CPQ: variants seen among roughly 807,000 people sequenced by gnomAD.
CPQ encodes the protein carboxypeptidase Q, also known as Ser-Met dipeptidase.
In CPQ, 37 loss-of-function variants were observed where a neutral mutation model predicts 45.7. That is an observed-to-expected ratio of 0.81 (90% CI 0.62 to 1.07). CPQ has a LOEUF of 1.07. Among genes scored for constraint, CPQ ranks in the 50% least tolerant of loss-of-function variants. The probability of loss-of-function intolerance (pLI) is 0.00; values close to 1 mark genes in which losing one functional copy is unlikely to be tolerated. For synonymous variants in CPQ, 186 were observed against 205.8 expected, an observed-to-expected ratio of 0.90 and a Z score of 0.82; for missense variants, 537 against 572.9, an observed-to-expected ratio of 0.94 and a Z score of 0.64.
intron 1 of CPQ, 118 bp from the exon 2 acceptor site, chr8:96,784,746 A>C (rs1810737967): frequency 2.9e-6 from 2 of 680,608 alleles, no homozygotes; most frequent in Non-Finnish European, 4.9e-6. Flanking sequence ...TTGATGGTGG[A>C]TGTTGGGCAG....
chr8:96,966,464 C>T (rs1203831964), intron 5 of CPQ, among the ~76,000 whole-genome samples: 1 of 152,140 alleles, frequency 6.6e-6, no homozygotes. Context: ...AAAAGAGTAA[C>T]CTAGATAGAA....
rs138517694 is a variant in CPQ at position 96,997,578 on chromosome 8, A to G, written c.961+31532A>G. 8.6e-3 allele frequency among the ~76,000 whole-genome samples: 1,300 copies of G among 151,736 alleles called. 16 individuals carry two copies. The highest frequency in any genetic ancestry group is 0.029 in the African/African-American group (1,191 of 41,450). On this transcript the variant is annotated intron_variant, in intron 5 of 7. Coordinates refer to ENST00000220763, the MANE Select transcript of CPQ (RefSeq NM_016134.4). ...TAGTTGAGAGATGCATCTTTGACAT[A>G]AAAAAAAATTTCAGGAGAAAAATTT...
At chr8:96,947,238 C>T (rs1368649619) in intron 4 of CPQ, among the ~76,000 whole-genome samples, 1 of 152,102 alleles carries the variant, frequency 6.6e-6, no homozygotes, top group African/African-American at 2.4e-5. Context: ...TGCCATGTGC[C>T]ACATAATGCA....
chr8:96,798,476 C>T (rs1227877445), intron 2 of CPQ, among the ~76,000 whole-genome samples: 1 of 152,034 alleles, frequency 6.6e-6, no homozygotes, highest in Non-Finnish European at 1.5e-5. Flanking sequence ...TCAAAGGTTT[C>T]TATCTTTTGT....
At chr8:96,901,441 T>G (rs1387846988) in intron 4 of CPQ, among the ~76,000 whole-genome samples, 3 of 152,210 alleles carry the variant, frequency 2.0e-5, no homozygotes, top group African/African-American at 7.2e-5. Flanking sequence ...ACTTCAAGTC[T>G]TCTTATGAAA....
intron 4 of CPQ, among the ~76,000 whole-genome samples, chr8:96,915,403 C>T (rs780931242): frequency 2.0e-5 from 3 of 152,188 alleles, no homozygotes; most frequent in Admixed American, 6.5e-5. Context: ...TTTTCATTTT[C>T]ATTCATGGAT....
At chr8:96,650,525 A>G (rs903140664) in intron 1 of CPQ, among the ~76,000 whole-genome samples, 4 of 152,196 alleles carry the variant, frequency 2.6e-5, no homozygotes, top group Non-Finnish European at 5.9e-5. Context: ...AGTTTGTTTC[A>G]TGGCTCAGAC....
At chr8:97,012,402 C>A (rs1002494981) in intron 5 of CPQ, among the ~76,000 whole-genome samples, 3 of 152,112 alleles carry the variant, frequency 2.0e-5, no homozygotes, top group African/African-American at 7.2e-5. Context: ...GGGGCATGTT[C>A]TTGAAATGGT....
chr8:96,729,996 G>C (rs990483774), intron 1 of CPQ, among the ~76,000 whole-genome samples: 1 of 152,320 alleles, frequency 6.6e-6, no homozygotes, highest in East Asian at 1.9e-4. Flanking sequence ...AAATGGGCTT[G>C]GGTCTGGAGA....
chr8:97,112,773 G>A (rs1811519513), intron 7 of CPQ, among the ~76,000 whole-genome samples: 1 of 152,172 alleles, frequency 6.6e-6, no homozygotes, highest in African/African-American at 2.4e-5. Context: ...TTCCATGAGG[G>A]GAGGGGCAGT....
chr8:96,647,321 G>C (rs1221595892), intron 1 of CPQ, among the ~76,000 whole-genome samples: 1 of 152,144 alleles, frequency 6.6e-6, no homozygotes, highest in Non-Finnish European at 1.5e-5. Context: ...TTCTCACACT[G>C]TTTTCCCAAT....
At chr8:96,859,466 C>T (rs1423049708) in intron 3 of CPQ, among the ~76,000 whole-genome samples, 2 of 152,134 alleles carry the variant, frequency 1.3e-5, no homozygotes, top group Admixed American at 1.3e-4. Context: ...GTCCCAGCAG[C>T]TTCCCTCTGC....
chr8:96,965,963 G>C lies in CPQ; in HGVS notation c.878G>C (p.Ser293Thr). ...GTACTGGTCAGTGGACATCTGGACA[G>C]CTGGGATGTTGGGCAGGGTGCCATG... is the stretch of plus-strand genomic sequence containing the variant. ...QVVLVSGHLD[S>T]WDVGQGAMDD... is the part of the protein sequence containing the mutation. The change falls in exon 5 of 8, where the codon AGC (serine) becomes ACC (threonine). Residue 293 changes from serine (S) to threonine (T), a missense_variant. Physicochemically the swap from Ser to Thr is moderately conservative, Grantham distance 58. Transcript: ENST00000220763. 6.2e-7 allele frequency: 1 copy of C among 1,613,890 alleles called. No individual in the cohort carries two copies. The highest frequency in any genetic ancestry group is 8.5e-7 in the Non-Finnish European group (1 of 1,179,896).
At chr8:96,776,661 G>A (rs538403522) in intron 1 of CPQ, among the ~76,000 whole-genome samples, 30 of 152,248 alleles carry the variant, frequency 2.0e-4, no homozygotes, top group Non-Finnish European at 3.8e-4. Flanking sequence ...TTCACAGTAT[G>A]AGAAATGTAG....
intron 6 of CPQ, among the ~76,000 whole-genome samples, chr8:97,049,445 T>C (rs1301474903): frequency 6.6e-6 from 1 of 152,228 alleles, no homozygotes; most frequent in East Asian, 1.9e-4. Context: ...TGCAGTGAAA[T>C]AAACTTACTT....
intron 6 of CPQ, among the ~76,000 whole-genome samples, chr8:97,057,418 C>G (rs989356612): frequency 6.6e-6 from 1 of 152,066 alleles, no homozygotes; most frequent in African/African-American, 2.4e-5. Context: ...TAATTACTCC[C>G]CTTAGAACTG....
At chr8:96,963,710 T>C (rs1813501840) in intron 4 of CPQ, among the ~76,000 whole-genome samples, 2 of 152,196 alleles carry the variant, frequency 1.3e-5, no homozygotes, top group African/African-American at 4.8e-5. Flanking sequence ...TCAGAGAAAG[T>C]GCACGAATCC....
intron 4 of CPQ, among the ~76,000 whole-genome samples, chr8:96,929,970 C>A (rs554105493): frequency 6.6e-6 from 1 of 152,182 alleles, no homozygotes; most frequent in Non-Finnish European, 1.5e-5. Context: ...TAAGAAAGAA[C>A]CCCAGCTGGA....
At chr8:96,837,356 G>A (rs544618452) in intron 3 of CPQ, among the ~76,000 whole-genome samples, 2 of 152,206 alleles carry the variant, frequency 1.3e-5, no homozygotes, top group African/African-American at 2.4e-5. Flanking sequence ...TGTTAAGGTC[G>A]CAAATAACTG....
Sources: gnomAD v4.1 joint callset for allele counts (sites outside exome capture counted in the v4.1 genomes callset) on GRCh38, gnomAD v4.1.1 for gene constraint, MANE v1.5 for transcripts, NCBI Gene and HGNC (gene_info 2026-07-23, HGNC 2026-07-21) for gene names.